Variants in TXNDC11 observed in about 807,000 individuals in gnomAD.
TXNDC11 encodes thioredoxin domain-containing protein 11.
Under a neutral mutation model 78.0 loss-of-function variants are expected in TXNDC11, and 68 were observed. That is an observed-to-expected ratio of 0.87 (90% CI 0.72 to 1.07). TXNDC11 has a LOEUF of 1.07. Ranked by LOEUF, TXNDC11 falls within the 50% of genes least tolerant of loss-of-function variation. The pLI is 0.00. For missense variants in TXNDC11, 1,389 were observed against 1,221.8 expected (o/e 1.14, Z -2.04); for synonymous variants, 571 against 495.2 (o/e 1.15, Z -2.03).
intron 5 of TXNDC11, among the ~76,000 whole-genome samples, chr16:11,714,845 C>A (rs1380826786): frequency 6.6e-6 from 1 of 152,164 alleles, no homozygotes; most frequent in Non-Finnish European, 1.5e-5. Context: ...CACTATTTCC[C>A]AAAGGGAGTT....
At chr16:11,686,020 G>A (rs571365369) in intron 10 of TXNDC11, among the ~76,000 whole-genome samples, 9 of 152,122 alleles carry the variant, frequency 5.9e-5, no homozygotes, top group East Asian at 1.9e-4. Context: ...ATGCAGTGGT[G>A]CAATCTCAGC....
At chr16:11,739,349 C>A (rs1016807895) in intron 1 of TXNDC11, among the ~76,000 whole-genome samples, 2 of 152,094 alleles carry the variant, frequency 1.3e-5, no homozygotes, top group African/African-American at 4.8e-5. Context: ...ACAAAAAACT[C>A]GAGTTGGTTG....
intron 5 of TXNDC11, among the ~76,000 whole-genome samples, chr16:11,701,747 C>T (rs114867943): frequency 0.011 from 1,599 of 152,018 alleles, 30 homozygotes; most frequent in African/African-American, 0.037. Context: ...GAATTTAAGA[C>T]AAAGGAAACA....
In TXNDC11 at chr16:11,691,489, T is replaced by C; in HGVS notation, c.1701A>G (p.Thr567=). 1.9e-6 allele frequency: 3 copies of C among 1,614,232 alleles called. No individual in the cohort carries two copies. The highest frequency in any genetic ancestry group is 1.7e-6 in the Non-Finnish European group (2 of 1,180,024). The change falls in exon 8 of 12, where the codon ACA becomes ACG. Residue 567 remains threonine, a synonymous_variant. Coordinates refer to ENST00000283033, the MANE Select transcript of TXNDC11 (RefSeq NM_015914.7). ...TTCTGCAGCTCAGGCCTGTGAAGTT[T>C]GTGCTAGTCATGTCCACTTCTGGAA... The part of the protein sequence containing the change: ...YLFPEVDMTS[T]NFTGLSCRTN...
chr16:11,682,502 T>C (rs1054772967), intron 11 of TXNDC11, among the ~76,000 whole-genome samples: 2 of 152,220 alleles, frequency 1.3e-5, no homozygotes, highest in Non-Finnish European at 2.9e-5. Context: ...GGCCTCCAGA[T>C]GACGCCCCAC....
chr16:11,704,575 G>A (rs1275049565), intron 5 of TXNDC11, among the ~76,000 whole-genome samples: 1 of 152,184 alleles, frequency 6.6e-6, no homozygotes, highest in Non-Finnish European at 1.5e-5. Context: ...GACATCATAT[G>A]AACCCCCTGA....
chr16:11,735,591 C>T (rs898254742), intron 2 of TXNDC11, among the ~76,000 whole-genome samples: 1 of 152,270 alleles, frequency 6.6e-6, no homozygotes, highest in Non-Finnish European at 1.5e-5. Context: ...GGTGGCATTC[C>T]TTATCTGCTG....
chr16:11,722,927 C>G (rs2051754383), intron 4 of TXNDC11, among the ~76,000 whole-genome samples: 1 of 152,170 alleles, frequency 6.6e-6, no homozygotes, highest in South Asian at 2.1e-4. Flanking sequence ...TAAGATTCAA[C>G]TGTAAATGAA....
chr16:11,710,198 AT>A (rs33918257), intron 5 of TXNDC11, among the ~76,000 whole-genome samples: 102,773 of 148,024 alleles, frequency 0.69, 36,310 homozygotes, highest in Non-Finnish European at 0.77. Context: ...ACTTCAATTA[AT>A]TTTTTTTTTT....
At chr16:11,680,101 A>C (rs1323428776) in intron 11 of TXNDC11, among the ~76,000 whole-genome samples, 4 of 152,228 alleles carry the variant, frequency 2.6e-5, no homozygotes, top group Non-Finnish European at 4.4e-5. Context: ...TCCAAGAAAG[A>C]CAAGAGCTCC....
chr16:11,722,026 T>G lies in TXNDC11; in HGVS notation c.700-356A>C, dbSNP rs140673571. On this transcript the variant is annotated intron_variant, in intron 4 of 11. Coordinates refer to ENST00000283033, the MANE Select transcript of TXNDC11 (RefSeq NM_015914.7). ...CTCAAAACTTTATCAGTAAGTTATG[T>G]CCTCAATCGCTTTTAACAACTCCAG... Among the ~76,000 whole-genome samples, 49 of 152,332 alleles carry G rather than the reference T, an allele frequency of 3.2e-4. No individual in the cohort carries two copies. In the East Asian group the frequency reaches 7.5e-3, roughly 23 times the overall value.
chr16:11,742,456 C>T (rs1433816167), intron 1 of TXNDC11, 21 bp downstream of exon 1: 2 of 1,393,902 alleles, frequency 1.4e-6, no homozygotes, highest in Non-Finnish European at 1.8e-6. Flanking sequence ...TAGCGGGGCC[C>T]CAGGGTCCGG....
At chr16:11,733,690 T>C (rs4780397) in intron 3 of TXNDC11, among the ~76,000 whole-genome samples, 13,738 of 152,314 alleles carry the variant, frequency 0.09, 1,303 homozygotes, top group East Asian at 0.36. Flanking sequence ...CTGAAATGCA[T>C]TGGAGTAATT....
chr16:11,724,117 T>C (rs899267415), intron 4 of TXNDC11, among the ~76,000 whole-genome samples: 1 of 152,066 alleles, frequency 6.6e-6, no homozygotes, highest in Non-Finnish European at 1.5e-5. Flanking sequence ...ATCCCATCTC[T>C]ACTAAAAACA....
At position 11,736,150 on chromosome 16, in the gene TXNDC11, C is replaced by T; in HGVS notation, c.338G>A (p.Gly113Glu). The T allele has an allele frequency of 6.2e-7, 1 of 1,614,076 alleles. No homozygotes were observed. Among genetic ancestry groups the T allele is most frequent in the East Asian group, 2.2e-5 (1 of 44,870 alleles). The change falls in exon 2 of 12, where the codon GGG (glycine) becomes GAG (glutamate). Residue 113 changes from glycine (G) to glutamate (E), a missense_variant. By Grantham distance (98) the Gly-to-Glu change is moderately conservative. Coordinates refer to ENST00000283033, the MANE Select transcript of TXNDC11 (RefSeq NM_015914.7). ...AACGTACTCTGCATAATCCAGCTGCCCCTGGAAGAGGTCAAGGACTGGAGA... is the reference window on the plus strand; with the variant it reads ...AACGTACTCTGCATAATCCAGCTGCTCCTGGAAGAGGTCAAGGACTGGAGA... Reference protein sequence around the residue: ...LRSPVLDLFQGQLDYAEYVRR... With the variant: ...LRSPVLDLFQEQLDYAEYVRR...
In TXNDC11 at chr16:11,712,929, A is replaced by AACACACACACACACAC. The variant is rs111887849; in HGVS notation, c.793+8632_793+8647dup. On this transcript the variant is annotated intron_variant, in intron 5 of 11. Coordinates refer to ENST00000283033, the MANE Select transcript of TXNDC11 (RefSeq NM_015914.7). ...ATGGAGAAACCCCATTTCCACTTAA[A>AACACACACACACACAC]ACACACACACACACACACACACACA... Among the ~76,000 whole-genome samples the AACACACACACACACAC allele has an allele frequency of 8.4e-3, 1,187 of 142,058 alleles. 12 individuals are homozygous for AACACACACACACACAC. Among genetic ancestry groups the AACACACACACACACAC allele is most frequent in the Middle Eastern group, 0.014 (4 of 280 alleles). The allele number at this position is 142,058 out of a possible 152,430, so 93.2% of individuals were successfully genotyped here.
intron 5 of TXNDC11, chr16:11,703,527 C>T (rs530474284): frequency 1.5e-5 from 8 of 533,388 alleles, no homozygotes; most frequent in Admixed American, 3.1e-5. Context: ...CACACACACA[C>T]ACACACACAC....
intron 3 of TXNDC11, 59 bp downstream of exon 3, chr16:11,733,922 AT>A (rs1401971227): frequency 5.5e-6 from 7 of 1,283,612 alleles, no homozygotes; most frequent in Non-Finnish European, 7.8e-6. Flanking sequence ...AAAATGCAAA[AT>A]TCATTTATAA....
chr16:11,713,527 C>CT (rs1567327927), intron 5 of TXNDC11, among the ~76,000 whole-genome samples: 1 of 151,974 alleles, frequency 6.6e-6, no homozygotes, highest in Non-Finnish European at 1.5e-5. Context: ...AGAGATTCTC[C>CT]TGTCTCAGCC....
Sources: gnomAD v4.1 joint callset for allele counts (sites outside exome capture counted in the v4.1 genomes callset) on GRCh38, gnomAD v4.1.1 for gene constraint, MANE v1.5 for transcripts, NCBI Gene and HGNC (gene_info 2026-07-23, HGNC 2026-07-21) for gene names.